DNAH6: variants seen among roughly 807,000 people sequenced by gnomAD.
DNAH6 encodes dynein axonemal heavy chain 6, also known as axonemal beta dynein heavy chain 6.
Under a neutral mutation model 491.4 loss-of-function variants are expected in DNAH6, and 340 were observed. The ratio of observed to expected loss-of-function variants is 0.69; its 90% CI spans 0.63 to 0.76. The LOEUF (loss-of-function observed/expected upper bound fraction) is 0.76, where lower values mean the gene tolerates loss of function less well. Ranked by LOEUF, DNAH6 falls within the 30% of genes least tolerant of loss-of-function variation. DNAH6 has a pLI of 0.00. For missense variants in DNAH6, 4,443 were observed against 4,972.2 expected, an observed-to-expected ratio of 0.89 and a Z score of 3.20; for synonymous variants, 1,603 against 1,686.1, an observed-to-expected ratio of 0.95 and a Z score of 1.21.
chr2:84,700,822 C>T (rs1370931768), intron 48 of DNAH6, among the ~76,000 whole-genome samples: 1 of 152,122 alleles, frequency 6.6e-6, no homozygotes, highest in Non-Finnish European at 1.5e-5. Flanking sequence ...TAGAAGCACC[C>T]AATCATTAAT....
intron 18 of DNAH6, among the ~76,000 whole-genome samples, chr2:84,600,101 C>A (rs1174719850): frequency 1.3e-5 from 2 of 152,126 alleles, no homozygotes; most frequent in South Asian, 2.1e-4. Flanking sequence ...GTCATCTATA[C>A]CCTTGCTGAT....
At chr2:84,595,185 T>A (rs887528345) in intron 17 of DNAH6, among the ~76,000 whole-genome samples, 1 of 152,184 alleles carries the variant, frequency 6.6e-6, no homozygotes, top group Non-Finnish European at 1.5e-5. Context: ...CTATCTGACA[T>A]GTCAATATAT....
chr2:84,552,650 A>G (rs978485519), intron 9 of DNAH6, among the ~76,000 whole-genome samples: 1 of 152,132 alleles, frequency 6.6e-6, no homozygotes, highest in African/African-American at 2.4e-5. Context: ...TTCTATATAC[A>G]TTATTGATAT....
At chr2:84,721,838 C>T (rs1364726540) in intron 59 of DNAH6, among the ~76,000 whole-genome samples, 1 of 152,164 alleles carries the variant, frequency 6.6e-6, no homozygotes, top group African/African-American at 2.4e-5. Flanking sequence ...ATGGTCCCTG[C>T]TCTAGACCCT....
At chr2:84,573,388 T>A (rs1417850316) in intron 11 of DNAH6, 79 bp from the exon 12 acceptor site, 1 of 1,236,028 alleles carries the variant, frequency 8.1e-7, no homozygotes, top group Non-Finnish European at 1.1e-6. Context: ...GCTTGCTTGT[T>A]TCTTTGTTTA....
At chr2:84,577,798 A>T (rs964955636) in intron 13 of DNAH6, among the ~76,000 whole-genome samples, 15 of 152,252 alleles carry the variant, frequency 9.9e-5, no homozygotes, top group East Asian at 5.8e-4. Flanking sequence ...TACAGGTCTG[A>T]TTATGTTTTG....
chr2:84,656,572 A>G (rs555484921), intron 35 of DNAH6, among the ~76,000 whole-genome samples: 53 of 152,124 alleles, frequency 3.5e-4, no homozygotes, highest in Non-Finnish European at 5.6e-4. Flanking sequence ...TTTGCTATCT[A>G]TGTATCGTAT....
At chr2:84,710,851 TA>T (rs34105401) in intron 56 of DNAH6, among the ~76,000 whole-genome samples, 1,745 of 144,422 alleles carry the variant, frequency 0.012, 8 homozygotes, top group African/African-American at 0.021. Flanking sequence ...TAACTTTTGT[TA>T]AAAAAAAAAA....
At chr2:84,719,819 G>T (rs562899255) in intron 59 of DNAH6, among the ~76,000 whole-genome samples, 1 of 151,542 alleles carries the variant, frequency 6.6e-6, no homozygotes, top group South Asian at 2.1e-4. Flanking sequence ...CCACTGTGCC[G>T]GCCAAGGCAG....
intron 52 of DNAH6, 92 bp from the exon 53 acceptor site, chr2:84,706,804 C>T (rs1437761734): frequency 3.6e-6 from 5 of 1,403,038 alleles, no homozygotes; most frequent in Admixed American, 6.9e-5. Flanking sequence ...AAAAGAGGAA[C>T]ATATATAAAA....
At chr2:84,688,795 A>G (rs147891625) in intron 45 of DNAH6, among the ~76,000 whole-genome samples, 11 of 152,246 alleles carry the variant, frequency 7.2e-5, no homozygotes, top group African/African-American at 2.4e-4. Flanking sequence ...CCCCAGAGTC[A>G]TTTTTTTGCT....
upstream of DNAH6, among the ~76,000 whole-genome samples, chr2:84,515,966 G>A (rs1675562448): frequency 6.6e-6 from 1 of 152,172 alleles, no homozygotes; most frequent in African/African-American, 2.4e-5. Context: ...TGGAGTTTAA[G>A]GGAAGAGGAG....
rs1697744614 is a variant in DNAH6 at position 84,718,282 on chromosome 2, C to A, written c.9690C>A (p.Asn3230Lys). The A allele has an allele frequency of 2.6e-6, 4 of 1,551,254 alleles. No individual in the cohort carries two copies. Among genetic ancestry groups the A allele is most frequent in the Non-Finnish European group, 3.5e-6 (4 of 1,146,796 alleles). The change falls in exon 59 of 77, where the codon AAC (asparagine) becomes AAA (lysine). Residue 3230 changes from asparagine to lysine, a missense_variant. This residue lies in a region of DNAH6 where 1,463 missense variants were observed against 1,656.6 expected (regional missense o/e 0.88). Coordinates refer to ENST00000389394, the MANE Select transcript of DNAH6 (RefSeq NM_001370.2). ...TCGTGAGGATCAACACTGATAAAAA[C>A]CAGTTGAAAACTATCGAAGAGAAAA... is the stretch of plus-strand genomic sequence containing the variant. ...KLIVRINTDK[N>K]QLKTIEEKIL...
chr2:84,773,070 T>C (rs1284751528), intron 64 of DNAH6, among the ~76,000 whole-genome samples: 2 of 152,110 alleles, frequency 1.3e-5, no homozygotes, highest in African/African-American at 4.8e-5. Context: ...GAAAATACTT[T>C]ATTCATTTTT....
intron 63 of DNAH6, among the ~76,000 whole-genome samples, chr2:84,750,004 A>G (rs1000676576): frequency 6.6e-6 from 1 of 152,204 alleles, no homozygotes; most frequent in African/African-American, 2.4e-5. Context: ...CATACTAAAT[A>G]TACATAATTA....
rs1455257174 is a variant in DNAH6, at chr2:84,584,197, A to G, written c.2428A>G (p.Ser810Gly). The part of the protein sequence containing the change: ...SIKQFCVHLG[S>G]DLEELNNEVN... ...TAAGCAATTTTGTGTGCATTTGGGTAGTGATCTTGAAGAATTAAACAACGA... is the reference window on the plus strand; with the variant it reads ...TAAGCAATTTTGTGTGCATTTGGGTGGTGATCTTGAAGAATTAAACAACGA... Residue 810 changes from serine (S) to glycine (G), a missense_variant, in exon 15 of 77, where the codon AGT becomes GGT. Ser to Gly is a moderately conservative substitution (Grantham distance 56, BLOSUM62 0). Transcript: ENST00000389394. 2 of 1,614,072 alleles carry G rather than the reference A, an allele frequency of 1.2e-6. No individual in the cohort carries two copies. Among genetic ancestry groups the G allele is most frequent in the African/African-American group, 2.7e-5 (2 of 74,938 alleles).
intron 38 of DNAH6, among the ~76,000 whole-genome samples, chr2:84,669,886 T>G (rs1692551819): frequency 6.6e-6 from 1 of 152,202 alleles, no homozygotes; most frequent in Non-Finnish European, 1.5e-5. Flanking sequence ...CCTGTTCACT[T>G]ATACCTGATA....
At chr2:84,527,186 T>A (rs1291507837) in intron 3 of DNAH6, among the ~76,000 whole-genome samples, 2 of 152,146 alleles carry the variant, frequency 1.3e-5, no homozygotes, top group Non-Finnish European at 2.9e-5. Flanking sequence ...GTTGGAGGCC[T>A]CTGTTAATTA....
intron 2 of DNAH6, among the ~76,000 whole-genome samples, chr2:84,519,364 A>G (rs973352435): frequency 6.6e-6 from 1 of 152,150 alleles, no homozygotes; most frequent in Non-Finnish European, 1.5e-5. Flanking sequence ...CATAACTTGC[A>G]CAGTATAAAT....
Sources: allele counts gnomAD v4.1 joint callset (sites outside exome capture counted in the v4.1 genomes callset), GRCh38; gene constraint gnomAD v4.1.1; regional missense constraint gnomAD v4.1.1; transcripts MANE v1.5; gene names NCBI Gene and HGNC (gene_info 2026-07-23, HGNC 2026-07-21).